PRKCE: variants seen among roughly 807,000 people sequenced by gnomAD.
PRKCE encodes protein kinase C epsilon type.
In PRKCE, 16 loss-of-function variants were observed where a neutral mutation model predicts 85.4. The observed-to-expected ratio is 0.19, with a 90% CI of 0.13 to 0.28. The LOEUF (loss-of-function observed/expected upper bound fraction) is 0.28, where lower values mean the gene tolerates loss of function less well. Among genes scored for constraint, PRKCE ranks in the 10% least tolerant of loss-of-function variants. The probability of loss-of-function intolerance (pLI) is 1.00; values close to 1 mark genes in which losing one functional copy is unlikely to be tolerated. For synonymous variants in PRKCE, 388 were observed against 371.5 expected (o/e 1.04, Z -0.51); for missense variants, 573 against 975.2 (o/e 0.59, Z 5.49).
rs375719393 is a variant in PRKCE, at chr2:46,184,731, A to C, written c.2068-4A>C. 6.3e-7 allele frequency: 1 copy of C among 1,599,212 alleles called. No homozygotes were observed. The highest frequency in any genetic ancestry group is 1.3e-5 in the African/African-American group (1 of 74,838). On this transcript the variant is annotated splice_region_variant and splice_polypyrimidine_tract_variant and intron_variant, in intron 14 of 14. Coordinates refer to ENST00000306156, the MANE Select transcript of PRKCE (RefSeq NM_005400.3). The surrounding 1 kb of genome is among the most constrained non-coding windows in gnomAD (Gnocchi z 5.0). ...ACTCACCACTTTCTCTTTTCTTCCC[A>C]CAGAAAACCAAAAGAGACGTCAATA...
chr2:46,177,590 C>A (rs1156811830), intron 14 of PRKCE, among the ~76,000 whole-genome samples: 3 of 152,196 alleles, frequency 2.0e-5, no homozygotes, highest in Admixed American at 6.5e-5. Flanking sequence ...CCAATTTCCC[C>A]TCTTATAAGG....
At chr2:45,978,829 T>A (rs1466315002) in intron 3 of PRKCE, 147 bp from the exon 4 acceptor site, 5 of 666,672 alleles carry the variant, frequency 7.5e-6, no homozygotes, top group Non-Finnish European at 1.3e-5. Context: ...TAAGGCACCT[T>A]GCAAGTGAGA....
chr2:45,794,849 C>A lies in PRKCE; in HGVS notation c.349-48151C>A, dbSNP rs925954221. Among the ~76,000 whole-genome samples the A allele has an allele frequency of 5.3e-5, 8 of 151,082 alleles. No homozygotes were observed. The East Asian group carries it at 5.9e-4, about 11-fold the overall frequency. On this transcript the variant is annotated intron_variant, in intron 1 of 14. Transcript: ENST00000306156. ...GGGAGGGACAATTATTGCCCTACCC[C>A]CCCCCCCATCCACCATTTCTTTTTT...
intron 1 of PRKCE, among the ~76,000 whole-genome samples, chr2:45,724,057 G>T (rs1403594825): frequency 6.6e-6 from 1 of 152,168 alleles, no homozygotes; most frequent in African/African-American, 2.4e-5. Context: ...CAGTGTGCTG[G>T]CATCTTGCTA....
rs1169447473 is a variant in PRKCE at position 46,138,572 on chromosome 2, ATC to A, written c.1593-6517_1593-6516del. Among the ~76,000 whole-genome samples, 2 of 152,048 alleles carry A rather than the reference ATC, an allele frequency of 1.3e-5. No individual in the cohort carries two copies. Among genetic ancestry groups the A allele is most frequent in the Non-Finnish European group, 2.9e-5 (2 of 68,002 alleles). ...CTTATAGCCAGGATGTGCTTTCCAAATCTCTGTCTGGCTTAGTGATCCGGGCC... is the reference window on the plus strand; with the variant it reads ...CTTATAGCCAGGATGTGCTTTCCAAATCTGTCTGGCTTAGTGATCCGGGCC... On this transcript the variant is annotated intron_variant, in intron 11 of 14. Transcript: ENST00000306156. The surrounding 1 kb of genome is among the most constrained non-coding windows in gnomAD (Gnocchi z 4.2).
intron 2 of PRKCE, among the ~76,000 whole-genome samples, chr2:45,892,932 G>T (rs767734055): frequency 6.6e-6 from 1 of 152,118 alleles, no homozygotes; most frequent in Non-Finnish European, 1.5e-5. Flanking sequence ...ACTTCTCAAG[G>T]GCAGCATCTC....
chr2:45,793,896 A>AT lies in PRKCE; in HGVS notation c.349-49094dup, dbSNP rs915645890. 2.1e-4 allele frequency among the ~76,000 whole-genome samples: 32 copies of AT among 149,838 alleles called. No homozygotes were observed. The South Asian group carries it at 5.1e-3, about 24-fold the overall frequency. ...AGGACTCTGAGTCATGAGTGTTCAC[A>AT]TTTTTTTTTTCTTGCTTGGTTCGGA... On this transcript the variant is annotated intron_variant, in intron 1 of 14. Coordinates refer to ENST00000306156, the MANE Select transcript of PRKCE (RefSeq NM_005400.3).
intron 2 of PRKCE, among the ~76,000 whole-genome samples, chr2:45,862,183 TACACACACAC>T (rs6146747): frequency 0.013 from 1,862 of 144,006 alleles, 33 homozygotes; most frequent in East Asian, 0.085. Context: ...TCTTCTTGTA[TACACACACAC>T]ACACACACAC....
chr2:45,677,365 T>TC (rs1409047046), intron 1 of PRKCE, among the ~76,000 whole-genome samples: 1 of 146,902 alleles, frequency 6.8e-6, no homozygotes, highest in Admixed American at 6.7e-5. Context: ...TTTTTTTTTT[T>TC]TTGAGACGGA....
chr2:45,709,743 C>T (rs996280299), intron 1 of PRKCE, among the ~76,000 whole-genome samples: 1 of 152,150 alleles, frequency 6.6e-6, no homozygotes, highest in Non-Finnish European at 1.5e-5. Flanking sequence ...GTCCCCATCT[C>T]TATTCACCTG....
At chr2:46,045,474 G>T (rs1333303924) in intron 10 of PRKCE, among the ~76,000 whole-genome samples, 1 of 152,240 alleles carries the variant, frequency 6.6e-6, no homozygotes, top group African/African-American at 2.4e-5. Context: ...AGATGTTTAG[G>T]CTAGTAATAT....
intron 1 of PRKCE, among the ~76,000 whole-genome samples, chr2:45,830,454 T>C (rs1690328959): frequency 6.6e-6 from 1 of 152,156 alleles, no homozygotes; most frequent in Non-Finnish European, 1.5e-5. Context: ...TCCTAGACTA[T>C]GGAATAAAAA....
intron 2 of PRKCE, among the ~76,000 whole-genome samples, chr2:45,925,704 C>T (rs899144031): frequency 2.0e-5 from 3 of 152,190 alleles, no homozygotes; most frequent in Non-Finnish European, 2.9e-5. Context: ...AGCATAAGCT[C>T]GGGGAGCTCA....
intron 1 of PRKCE, among the ~76,000 whole-genome samples, chr2:45,736,561 T>G (rs1366551908): frequency 6.6e-6 from 1 of 152,090 alleles, no homozygotes; most frequent in Non-Finnish European, 1.5e-5. Context: ...TGCCCTGGAG[T>G]CTACTCCTCG....
At chr2:45,800,967 C>T (rs1687817127) in intron 1 of PRKCE, among the ~76,000 whole-genome samples, 1 of 152,150 alleles carries the variant, frequency 6.6e-6, no homozygotes, top group Admixed American at 6.5e-5. Context: ...TAGAGAAATG[C>T]AGCAGTTGCC....
chr2:45,956,781 T>C (rs556765770), intron 2 of PRKCE, among the ~76,000 whole-genome samples: 25 of 152,246 alleles, frequency 1.6e-4, no homozygotes, highest in Admixed American at 4.6e-4. Flanking sequence ...ATGCTGAAAT[T>C]GCATGTTCAC....
At chr2:45,658,528 C>T (rs1324695925) in intron 1 of PRKCE, among the ~76,000 whole-genome samples, 1 of 152,250 alleles carries the variant, frequency 6.6e-6, no homozygotes, top group Non-Finnish European at 1.5e-5. Flanking sequence ...GGCATCTCCA[C>T]CACTCACTAG....
intron 1 of PRKCE, among the ~76,000 whole-genome samples, chr2:45,763,783 G>C (rs756224811): frequency 2.1e-4 from 32 of 152,064 alleles, no homozygotes; most frequent in Non-Finnish European, 3.7e-4. Context: ...GGAAAGAGAA[G>C]GCCAGCTCTA....
At chr2:45,867,284 C>T (rs1332215167) in intron 2 of PRKCE, among the ~76,000 whole-genome samples, 5 of 152,148 alleles carry the variant, frequency 3.3e-5, no homozygotes, top group African/African-American at 9.7e-5. Flanking sequence ...GGAATAGGGT[C>T]GCCAGGATTA....
Sources: allele counts gnomAD v4.1 joint callset (sites outside exome capture counted in the v4.1 genomes callset), GRCh38; gene constraint gnomAD v4.1.1; non-coding constraint Gnocchi (gnomAD v3.1); transcripts MANE v1.5; gene names NCBI Gene and HGNC (gene_info 2026-07-23, HGNC 2026-07-21).